CHST11: variants seen among roughly 807,000 people sequenced by gnomAD.
The protein encoded by CHST11 is C4S-1.
A neutral mutation model predicts 30.4 loss-of-function variants in CHST11; 9 were observed. That is an observed-to-expected ratio of 0.30 (90% CI 0.18 to 0.52). The LOEUF (loss-of-function observed/expected upper bound fraction) is 0.52. Ranked by LOEUF, CHST11 falls within the 20% of genes least tolerant of loss-of-function variation. CHST11 has a pLI of 0.97. For synonymous variants in CHST11, 152 were observed against 187.8 expected (o/e 0.81, Z 1.56); for missense variants, 348 against 460.6 (o/e 0.76, Z 2.24).
At chr12:104,544,167 A>AAGGAAGGAAGGAAGGAAGGAAGG (rs1565981272) in intron 1 of CHST11, among the ~76,000 whole-genome samples, 1 of 123,488 alleles carries the variant, frequency 8.1e-6, no homozygotes, top group African/African-American at 3.1e-5. Flanking sequence ...AGAAAGAAAG[A>AAGGAAGGAAGGAAGGAAGGAAGG]AAGAAAGAAA....
intron 1 of CHST11, among the ~76,000 whole-genome samples, chr12:104,568,101 G>A (rs1166638716): frequency 2.1e-4 from 31 of 150,132 alleles, no homozygotes; most frequent in Admixed American, 1.8e-3. Context: ...GGAAGGACTC[G>A]TATGTGTGTT....
intron 1 of CHST11, among the ~76,000 whole-genome samples, chr12:104,489,472 TTTTA>T (rs987479128): frequency 1.3e-5 from 2 of 151,986 alleles, no homozygotes; most frequent in Admixed American, 1.3e-4. Flanking sequence ...ATACCCTATC[TTTTA>T]TTTATTTATT....
At chr12:104,692,483 G>A (rs1306466680) in intron 2 of CHST11, among the ~76,000 whole-genome samples, 4 of 152,214 alleles carry the variant, frequency 2.6e-5, no homozygotes, top group Non-Finnish European at 4.4e-5. Flanking sequence ...GGAAACTGTT[G>A]TTATTTTACA....
Position 104,470,138 on chromosome 12 carries a change from G to A in CHST11, c.118+12609G>A, listed in dbSNP as rs567400853. Among the ~76,000 whole-genome samples, 5 of 152,348 alleles carry A rather than the reference G, an allele frequency of 3.3e-5. No homozygotes were observed. In the South Asian group the frequency reaches 1.0e-3, roughly 32 times the overall value. On this transcript the variant is annotated intron_variant, in intron 1 of 2. Coordinates refer to ENST00000303694, the MANE Select transcript of CHST11 (RefSeq NM_018413.6). ...CTGTTAAACATCCTACAATGGATAG[G>A]ATAGACTTCCCCACAACAAAGAATA...
At chr12:104,655,282 C>T (rs989202989) in intron 2 of CHST11, among the ~76,000 whole-genome samples, 9 of 152,200 alleles carry the variant, frequency 5.9e-5, no homozygotes, top group Non-Finnish European at 1.0e-4. Flanking sequence ...GCGCCGGAGG[C>T]GCGGGCAGGT....
intron 1 of CHST11, among the ~76,000 whole-genome samples, chr12:104,465,610 T>C (rs1018510880): frequency 9.2e-5 from 14 of 152,346 alleles, no homozygotes; most frequent in Admixed American, 5.9e-4. Context: ...TTCATCTTTA[T>C]AGCCTCTGAC....
chr12:104,647,765 T>C (rs2039448941), intron 2 of CHST11, among the ~76,000 whole-genome samples: 1 of 152,188 alleles, frequency 6.6e-6, no homozygotes, highest in Non-Finnish European at 1.5e-5. Flanking sequence ...AGTGGCTTAG[T>C]TGGACATGTG....
At chr12:104,471,867 C>G (rs949908378) in intron 1 of CHST11, among the ~76,000 whole-genome samples, 3 of 152,138 alleles carry the variant, frequency 2.0e-5, no homozygotes, top group South Asian at 4.1e-4. Context: ...CCATACGTGA[C>G]TAGGGCTACT....
chr12:104,566,484 TG>T (rs1348305344), intron 1 of CHST11, among the ~76,000 whole-genome samples: 2 of 152,224 alleles, frequency 1.3e-5, no homozygotes, highest in Non-Finnish European at 2.9e-5. Flanking sequence ...TTTCTCATGC[TG>T]GGAGATAGTC....
chr12:104,642,753 G>A (rs906141258), intron 2 of CHST11, among the ~76,000 whole-genome samples: 1 of 151,726 alleles, frequency 6.6e-6, no homozygotes, highest in African/African-American at 2.4e-5. Flanking sequence ...GTGTCTAGGT[G>A]GTTGGAATAT....
chr12:104,511,518 T>C (rs1015696136), intron 1 of CHST11, among the ~76,000 whole-genome samples: 4 of 152,204 alleles, frequency 2.6e-5, no homozygotes, highest in Admixed American at 2.0e-4. Flanking sequence ...AGTGGTATAG[T>C]TGGAGCATGC....
At chr12:104,496,802 T>C (rs2037802249) in intron 1 of CHST11, among the ~76,000 whole-genome samples, 1 of 152,148 alleles carries the variant, frequency 6.6e-6, no homozygotes, top group Non-Finnish European at 1.5e-5. Context: ...AGAGAGTTTG[T>C]AGGATGTTTT....
intron 1 of CHST11, among the ~76,000 whole-genome samples, chr12:104,507,975 T>C (rs1018943555): frequency 6.6e-6 from 1 of 152,082 alleles, no homozygotes; most frequent in Non-Finnish European, 1.5e-5. Flanking sequence ...AATTGGGGTG[T>C]TTTTTGCAAT....
chr12:104,475,672 A>ATG (rs2037551340), intron 1 of CHST11, among the ~76,000 whole-genome samples: 1 of 76,270 alleles, frequency 1.3e-5, no homozygotes. Context: ...ATATATATAT[A>ATG]TATATATATA....
chr12:104,677,170 T>C, intron 2 of CHST11, among the ~76,000 whole-genome samples: 1 of 152,226 alleles, frequency 6.6e-6, no homozygotes, highest in East Asian at 1.9e-4. Flanking sequence ...ATGGGAGCCA[T>C]TATTCTCGCA....
intron 1 of CHST11, among the ~76,000 whole-genome samples, chr12:104,560,334 A>G (rs1405735099): frequency 6.6e-6 from 1 of 152,192 alleles, no homozygotes; most frequent in Non-Finnish European, 1.5e-5. Context: ...CCTTCTGCTC[A>G]TAGATAGAGA....
At chr12:104,569,723 T>G (rs2038604996) in intron 1 of CHST11, among the ~76,000 whole-genome samples, 1 of 152,190 alleles carries the variant, frequency 6.6e-6, no homozygotes, top group South Asian at 2.1e-4. Context: ...CTGCCCAGTT[T>G]ATGGAGCCAC....
At chr12:104,546,818 G>C (rs550459272) in intron 1 of CHST11, among the ~76,000 whole-genome samples, 77 of 152,342 alleles carry the variant, frequency 5.1e-4, no homozygotes, top group Admixed American at 1.4e-3. Context: ...GACCAGCCAC[G>C]TGTGTACCCT....
At chr12:104,617,041 C>T (rs1327379922) in intron 2 of CHST11, among the ~76,000 whole-genome samples, 1 of 152,076 alleles carries the variant, frequency 6.6e-6, no homozygotes, top group Non-Finnish European at 1.5e-5. Context: ...AGCTGGAGTC[C>T]CAAGGTGGGC....
Sources: allele counts gnomAD v4.1 joint callset (sites outside exome capture counted in the v4.1 genomes callset), GRCh38; gene constraint gnomAD v4.1.1; transcripts MANE v1.5; gene names NCBI Gene and HGNC (gene_info 2026-07-23, HGNC 2026-07-21).